The following AMPD3 variants were observed in gnomAD, a reference collection of about 807,000 sequenced individuals.
AMPD3 encodes the protein adenosine monophosphate deaminase 3.
A neutral mutation model predicts 82.3 loss-of-function variants in AMPD3; 57 were observed. The observed-to-expected ratio is 0.69, with a 90% CI of 0.56 to 0.86. The LOEUF (loss-of-function observed/expected upper bound fraction) is 0.86. AMPD3 is among the 40% of genes least tolerant of loss of function. The pLI is 0.00. For missense variants in AMPD3, 870 were observed against 1,003.8 expected, an observed-to-expected ratio of 0.87 and a Z score of 1.80; for synonymous variants, 381 against 394.7, an observed-to-expected ratio of 0.97 and a Z score of 0.41.
chr11:10,456,298 C>T lies in AMPD3; in HGVS notation c.-6+850C>T. ...CCGGCAGACAGGACCCAGCCAGCTGCACGCACGCACTGACTCAGCTGAGCC... is the reference window on the plus strand; with the variant it reads ...CCGGCAGACAGGACCCAGCCAGCTGTACGCACGCACTGACTCAGCTGAGCC... On this transcript the variant is annotated intron_variant, in intron 1 of 14. Coordinates refer to ENST00000396553, the MANE Select transcript of AMPD3 (RefSeq NM_001025389.2). This position sits in a 1 kb window ranked among gnomAD's most constrained non-coding sequence, Gnocchi z 4.3. 6.3e-7 allele frequency: 1 copy of T among 1,596,120 alleles called. No individual in the cohort carries two copies. Among genetic ancestry groups the T allele is most frequent in the Admixed American group, 1.7e-5 (1 of 58,434 alleles).
chr11:10,470,981 C>T (rs569199873), intron 2 of AMPD3, among the ~76,000 whole-genome samples: 2 of 152,072 alleles, frequency 1.3e-5, no homozygotes, highest in East Asian at 3.9e-4. Context: ...TCATATGGAA[C>T]CAAAAAAGAG....
rs1848061007 is a variant in AMPD3 at position 10,455,302 on chromosome 11, C to G, written c.-152C>G. 6.1e-6 allele frequency: 6 copies of G among 985,412 alleles called. No individual in the cohort carries two copies. Among genetic ancestry groups the G allele is most frequent in the Non-Finnish European group, 7.2e-6 (6 of 829,966 alleles). 61.0% of individuals were successfully genotyped at this position (985,412 alleles called of 1,614,324 possible). On this transcript the variant is annotated 5_prime_UTR_variant, in exon 1 of 15. Coordinates refer to ENST00000396553, the MANE Select transcript of AMPD3 (RefSeq NM_001025389.2). ...GCAGATGAAGATCAGAGCTTTGCAC[C>G]CTGTGATGCCATTTTAATCAACCCT...
chr11:10,463,872 C>A (rs1017416398), intron 2 of AMPD3, among the ~76,000 whole-genome samples: 2 of 152,184 alleles, frequency 1.3e-5, no homozygotes, highest in African/African-American at 4.8e-5. Flanking sequence ...GGACTGGATC[C>A]ATTGTGGAAC....
chr11:10,464,303 T>C (rs1848355622), intron 2 of AMPD3, among the ~76,000 whole-genome samples: 1 of 152,222 alleles, frequency 6.6e-6, no homozygotes, highest in Admixed American at 6.5e-5. Context: ...ATCGAGCTTA[T>C]CAAATGGATA....
upstream of AMPD3, chr11:10,455,079 T>C (rs925152666): frequency 1.1e-5 from 10 of 904,738 alleles, no homozygotes; most frequent in African/African-American, 1.6e-4. Context: ...CATGCGGAGG[T>C]GACTCAGGCC....
intron 4 of AMPD3, 114 bp from the exon 5 acceptor site, chr11:10,484,706 C>CGT: frequency 7.4e-7 from 1 of 1,343,688 alleles, no homozygotes; most frequent in South Asian, 1.2e-5. Flanking sequence ...GATGCGGGGC[C>CGT]GGCGCAGGGT....
intron 7 of AMPD3, chr11:10,494,509 C>CAA (rs11455471): frequency 2.8e-4 from 263 of 951,878 alleles, no homozygotes; most frequent in South Asian, 1.6e-3. Flanking sequence ...TTTATTAGAA[C>CAA]AAAAAAAACT....
rs1029631665 is a variant in AMPD3 at position 10,455,443 on chromosome 11, G to A, written c.-11G>A. ...CTGGAGGCCCACGTGGGAGCAGTGA[G>A]CGGCTGTAAGCAGGGGAGGGTTTGG... On this transcript the variant is annotated 5_prime_UTR_variant, in exon 1 of 15. Coordinates refer to ENST00000396553, the MANE Select transcript of AMPD3 (RefSeq NM_001025389.2). 1 of 985,304 alleles carries A rather than the reference G, an allele frequency of 1.0e-6. No individual in the cohort carries two copies. The highest frequency in any genetic ancestry group is 6.1e-5 in the Admixed American group (1 of 16,270). 61.0% of individuals were successfully genotyped at this position (985,304 alleles called of 1,614,324 possible). A position where few individuals can be genotyped will look rare whatever the true frequency, so the allele number is the denominator to read the frequency against.
rs1849019467 is a variant in AMPD3, at chr11:10,484,895, T to C, written c.665T>C (p.Val222Ala). The C allele has an allele frequency of 6.2e-7, 1 of 1,613,914 alleles. No homozygotes were observed. Among genetic ancestry groups the C allele is most frequent in the Non-Finnish European group, 8.5e-7 (1 of 1,180,012 alleles). ...GCACCCCCCAACCTGGATTACTTGG[T>C]CCACATGCAGGGGGGCATCCTCTTT... Reference protein sequence around the residue: ...DDAPPNLDYLVHMQGGILFVY... With the variant: ...DDAPPNLDYLAHMQGGILFVY... Residue 222 changes from valine (V) to alanine (A), a missense_variant, in exon 5 of 15, where the codon GTC (valine) becomes GCC (alanine). By Grantham distance (64) the Val-to-Ala change is moderately conservative. Transcript: ENST00000396553.
Position 10,461,620 on chromosome 11 carries a change from G to T in AMPD3, c.101G>T (p.Ser34Ile). The change falls in exon 2 of 15, where the codon AGC (serine) becomes ATC (isoleucine). Residue 34 changes from serine (S) to isoleucine (I), a missense_variant. By Grantham distance (142) the Ser-to-Ile change is moderately radical. Transcript: ENST00000396553. ...VFAKVLREED[S>I]KDALSLFTVP... ...GCTAAAGTGCTCCGAGAAGAGGACA[G>T]CAAAGATGCCCTGTCCCTGTTCACT... 3 of 1,614,268 alleles carry T rather than the reference G, an allele frequency of 1.9e-6. No homozygotes were observed. The highest frequency in any genetic ancestry group is 2.2e-5 in the South Asian group (2 of 91,088).
intron 3 of AMPD3, chr11:10,479,784 C>A: frequency 2.2e-6 from 1 of 456,604 alleles, no homozygotes; most frequent in Non-Finnish European, 2.9e-6. Flanking sequence ...AATGCCATAT[C>A]AATATATAAA....
chr11:10,467,850 G>A (rs1414896070), intron 2 of AMPD3, among the ~76,000 whole-genome samples: 1 of 152,190 alleles, frequency 6.6e-6, no homozygotes, highest in African/African-American at 2.4e-5. Flanking sequence ...AGAAGAGAGT[G>A]GGGGCCAATA....
chr11:10,466,704 T>C (rs900599638), intron 2 of AMPD3, among the ~76,000 whole-genome samples: 1 of 152,228 alleles, frequency 6.6e-6, no homozygotes, highest in Non-Finnish European at 1.5e-5. Context: ...AGGGTGAGAC[T>C]GCCTCCTCAA....
chr11:10,496,524 C>G, intron 9 of AMPD3: 1 of 985,468 alleles, frequency 1.0e-6, no homozygotes, highest in South Asian at 4.7e-5. Context: ...ATTCATATCT[C>G]AGTCTCTTGG....
chr11:10,464,386 A>G (rs998930698), intron 2 of AMPD3, among the ~76,000 whole-genome samples: 1 of 152,232 alleles, frequency 6.6e-6, no homozygotes. Flanking sequence ...ACAAAGACAC[A>G]TAGTGAGTAA....
intron 8 of AMPD3, 114 bp downstream of exon 8, chr11:10,495,144 G>T: frequency 6.2e-7 from 1 of 1,605,204 alleles, no homozygotes; most frequent in South Asian, 1.1e-5. Flanking sequence ...TGTACCATCA[G>T]CTCAGGGAAG....
intron 3 of AMPD3, among the ~76,000 whole-genome samples, chr11:10,480,855 C>T (rs1283862482): frequency 6.6e-6 from 1 of 152,214 alleles, no homozygotes; most frequent in African/African-American, 2.4e-5. Flanking sequence ...CATATGGTGC[C>T]TCCCTCTGCT....
intron 6 of AMPD3, chr11:10,488,543 G>A (rs1176794589): frequency 1.9e-6 from 1 of 528,822 alleles, no homozygotes; most frequent in Non-Finnish European, 2.4e-6. Context: ...CAGGCATTGG[G>A]AGCGGGGAGC....
chr11:10,503,554 C>A lies in AMPD3; in HGVS notation c.2016+660C>A, dbSNP rs749161648. The stretch of plus-strand genomic sequence containing the variant: ...TCTTAAGAATTGAAGCTTTCAAAGA[C>A]CTGTTGTTTATGTGGGTTATATCTA... On this transcript the variant is annotated intron_variant, in intron 13 of 14. Coordinates refer to ENST00000396553, the MANE Select transcript of AMPD3 (RefSeq NM_001025389.2). Among the ~76,000 whole-genome samples, 37 of 146,974 alleles carry A rather than the reference C, an allele frequency of 2.5e-4. 2 individuals are homozygous for A. The South Asian group carries it at 3.8e-3, about 15-fold the overall frequency.
Sources: gnomAD v4.1 joint callset for allele counts (sites outside exome capture counted in the v4.1 genomes callset) on GRCh38, gnomAD v4.1.1 for gene constraint, Gnocchi (gnomAD v3.1) non-coding constraint, MANE v1.5 for transcripts, NCBI Gene and HGNC (gene_info 2026-07-23, HGNC 2026-07-21) for gene names.